Variants in TNRC6C observed in about 807,000 individuals in gnomAD.
TNRC6C encodes the protein trinucleotide repeat-containing gene 6C protein.
Under a neutral mutation model 153.7 loss-of-function variants are expected in TNRC6C, and 20 were observed. The ratio of observed to expected loss-of-function variants is 0.13; its 90% CI spans 0.09 to 0.19. The LOEUF (loss-of-function observed/expected upper bound fraction) is 0.19. TNRC6C is among the 10% of genes least tolerant of loss of function. The pLI is 1.00. For missense variants in TNRC6C, 1,987 were observed against 2,172.0 expected (o/e 0.91, Z 1.69); for synonymous variants, 811 against 841.4 (o/e 0.96, Z 0.63).
chr17:78,102,632 C>A (rs1370534902), intron 18 of TNRC6C, 88 bp downstream of exon 21: 5 of 1,371,360 alleles, frequency 3.6e-6, no homozygotes, highest in Non-Finnish European at 3.0e-6. Flanking sequence ...TCTGGTGGGG[C>A]AGGATAGTTG....
exon 3 of TNRC6C, chr17:78,051,013 C>G: frequency 6.2e-7 from 1 of 1,613,802 alleles, no homozygotes; most frequent in Middle Eastern, 1.6e-4. Context: ...AAAGGCCAAT[C>G]CAGGTACAAA....
chr17:78,106,648 C>T (rs952687503), exon 20 of TNRC6C: 1 of 150,948 alleles, frequency 6.6e-6, no homozygotes, highest in African/African-American at 2.4e-5. Context: ...ATAATGGACT[C>T]AAAAGAAATA....
chr17:78,049,004 C>A lies in TNRC6C; in HGVS notation c.-59C>A. On this transcript the variant is annotated 5_prime_UTR_variant, in exon 3 of 20. Transcript: ENST00000301624. This position sits in a 1 kb window ranked among gnomAD's most constrained non-coding sequence, Gnocchi z 4.1. ...ATCACAGGAACAGAGACTGAATCTGCCTCAGAATGTACTACAGACACTGAC... is the reference window on the plus strand; with the variant it reads ...ATCACAGGAACAGAGACTGAATCTGACTCAGAATGTACTACAGACACTGAC... The A allele has an allele frequency of 1.4e-6, 2 of 1,425,800 alleles. No individual in the cohort carries two copies. The highest frequency in any genetic ancestry group is 2.4e-4 in the Middle Eastern group (1 of 4,198). The allele number at this position is 1,425,800 out of a possible 1,614,324, so 88.3% of individuals were successfully genotyped here. A position where few individuals can be genotyped will look rare whatever the true frequency, so the allele number is the denominator to read the frequency against.
intron 1 of TNRC6C, among the ~76,000 whole-genome samples, chr17:77,966,336 C>T (rs1177758473): frequency 6.6e-6 from 1 of 151,758 alleles, no homozygotes; most frequent in Non-Finnish European, 1.5e-5. Context: ...TTAGAATCTT[C>T]CTTGAGCAGA....
chr17:78,050,984 G>C (rs376329243), exon 3 of TNRC6C: 5 of 1,613,864 alleles, frequency 3.1e-6, no homozygotes, highest in Non-Finnish European at 3.4e-6. Context: ...AACAGTGGCT[G>C]GGGCAACAGC....
chr17:78,015,047 T>C (rs889326968), intron 1 of TNRC6C, among the ~76,000 whole-genome samples: 7 of 152,224 alleles, frequency 4.6e-5, no homozygotes, highest in African/African-American at 1.7e-4. Flanking sequence ...ATAGTTCTCT[T>C]ACATAGTCAC....
intron 3 of TNRC6C, among the ~76,000 whole-genome samples, chr17:78,062,564 A>G (rs2072789611): frequency 6.6e-6 from 1 of 152,238 alleles, no homozygotes; most frequent in Non-Finnish European, 1.5e-5. Context: ...AGCAAAATGT[A>G]TCTATATGAA....
intron 1 of TNRC6C, among the ~76,000 whole-genome samples, chr17:77,989,502 C>A (rs1216753243): frequency 6.6e-6 from 1 of 152,178 alleles, no homozygotes; most frequent in Non-Finnish European, 1.5e-5. Flanking sequence ...TTTGGGAAAT[C>A]TCTTCACCTG....
intron 1 of TNRC6C, among the ~76,000 whole-genome samples, chr17:77,983,950 A>G (rs369883128): frequency 2.0e-5 from 3 of 152,336 alleles, no homozygotes; most frequent in African/African-American, 7.2e-5. Flanking sequence ...GTTCATTTAT[A>G]GGAAGGTAGC....
Position 78,079,616 on chromosome 17 carries a change from G to C in TNRC6C, c.3357+75G>C, listed in dbSNP as rs185821641. The C allele has an allele frequency of 2.4e-4, 368 of 1,542,732 alleles. 2 individuals carry two copies. The Middle Eastern group carries it at 3.6e-3, about 15-fold the overall frequency. On this transcript the variant is annotated intron_variant, in intron 10 of 19. Coordinates refer to ENST00000301624, the Ensembl canonical transcript of TNRC6C. This position sits in a 1 kb window ranked among gnomAD's most constrained non-coding sequence, Gnocchi z 4.3. ...GTTTCGTGGGGTCCTGTGTTATCTG[G>C]AAGTCACTATTTTAAAGTGAGAGCG...
At chr17:77,966,351 T>C (rs2070896710) in intron 1 of TNRC6C, among the ~76,000 whole-genome samples, 1 of 152,124 alleles carries the variant, frequency 6.6e-6, no homozygotes, top group Admixed American at 6.5e-5. Flanking sequence ...AGCAGAGGTA[T>C]GGTGTTAAAA....
At chr17:77,966,664 G>A (rs1338572275) in intron 1 of TNRC6C, among the ~76,000 whole-genome samples, 9 of 152,202 alleles carry the variant, frequency 5.9e-5, no homozygotes, top group Non-Finnish European at 1.3e-4. Flanking sequence ...ATTGTATGAG[G>A]TTGTGTTCTG....
intron 6 of TNRC6C, 78 bp from the exon 9 acceptor site, chr17:78,072,959 T>C (rs1598758410): frequency 9.5e-7 from 1 of 1,048,184 alleles, no homozygotes; most frequent in Non-Finnish European, 1.4e-6. Flanking sequence ...GTCTTTAAGT[T>C]GATAGTGATT....
chr17:78,061,984 G>A lies in TNRC6C; in HGVS notation c.2396-2738G>A, dbSNP rs148720232. On this transcript the variant is annotated intron_variant, in intron 3 of 19. Transcript: ENST00000301624. Reference sequence around the variant, plus strand: ...GTCTAGAGATGATAAACAAATTCTAGGTGAGTTCATTATTTAATTACCTAC... The same window carrying A: ...GTCTAGAGATGATAAACAAATTCTAAGTGAGTTCATTATTTAATTACCTAC... 4.4e-3 allele frequency among the ~76,000 whole-genome samples: 672 copies of A among 152,104 alleles called. 2 individuals carry two copies. The highest frequency in any genetic ancestry group is 6.1e-3 in the Non-Finnish European group (415 of 67,988).
chr17:77,989,398 A>C (rs2071217837), intron 1 of TNRC6C, among the ~76,000 whole-genome samples: 1 of 152,220 alleles, frequency 6.6e-6, no homozygotes, highest in Non-Finnish European at 1.5e-5. Flanking sequence ...GTTGTAATAT[A>C]TGCTGAGTTT....
chr17:78,076,397 A>G (rs1274307444), intron 8 of TNRC6C, among the ~76,000 whole-genome samples: 5 of 152,204 alleles, frequency 3.3e-5, no homozygotes, highest in Admixed American at 3.3e-4. Flanking sequence ...GACTGAGTTC[A>G]AACTCAGGAT....
intron 3 of TNRC6C, among the ~76,000 whole-genome samples, chr17:78,056,617 C>T (rs1408489291): frequency 1.3e-5 from 2 of 152,014 alleles, no homozygotes; most frequent in Non-Finnish European, 2.9e-5. Context: ...GTGCCCGCCA[C>T]CACGCTCGGC....
intron 2 of TNRC6C, among the ~76,000 whole-genome samples, chr17:78,039,125 C>T (rs2072240529): frequency 6.6e-6 from 1 of 152,192 alleles, no homozygotes; most frequent in South Asian, 2.1e-4. Context: ...TGTCGAGAGG[C>T]AGTAGGGACA....
chr17:78,075,416 C>T lies in TNRC6C; in HGVS notation c.3060+138C>T, dbSNP rs1219615151. 1.0e-6 allele frequency: 1 copy of T among 981,594 alleles called. No homozygotes were observed. Among genetic ancestry groups the T allele is most frequent in the Admixed American group, 2.9e-5 (1 of 34,442 alleles). The allele number at this position is 981,594 out of a possible 1,614,324, so 60.8% of individuals were successfully genotyped here. On this transcript the variant is annotated intron_variant, in intron 8 of 19. Coordinates refer to ENST00000301624, the Ensembl canonical transcript of TNRC6C. This position sits in a 1 kb window ranked among gnomAD's most constrained non-coding sequence, Gnocchi z 4.2. ...GTGACTTTTATCCATTTTTTTCTAA[C>T]ATTATGAACATTTAACTCAAAGAAG...
Sources: gnomAD v4.1 joint callset for allele counts (sites outside exome capture counted in the v4.1 genomes callset) on GRCh38, gnomAD v4.1.1 for gene constraint, Gnocchi (gnomAD v3.1) non-coding constraint, MANE v1.5 for transcripts, NCBI Gene and HGNC (gene_info 2026-07-23, HGNC 2026-07-21) for gene names.